Variants in CCDC192 observed in about 807,000 individuals in gnomAD.
CCDC192 encodes the protein coiled-coil domain-containing protein 192.
At chr5:127,865,427 C>A (rs1751567473) in intron 5 of CCDC192, among the ~76,000 whole-genome samples, 1 of 151,878 alleles carries the variant, frequency 6.6e-6, no homozygotes, top group Admixed American at 6.6e-5. Flanking sequence ...TCAGCTGTAG[C>A]AGACTATTGC....
intron 2 of CCDC192, among the ~76,000 whole-genome samples, chr5:127,730,833 ACT>A (rs1341618096): frequency 1.3e-5 from 2 of 152,322 alleles, no homozygotes; most frequent in Admixed American, 6.5e-5. Flanking sequence ...TATGTTAAAA[ACT>A]CTCAATAAAC....
rs944235589 is a variant in CCDC192 at position 127,840,665 on chromosome 5, A to G, written c.412-34873A>G. ...TTTTTTTGAGCTGCAGTAAGACTCC[A>G]GGAAGTTAAGCACTTTTTGAAAAAG... On this transcript the variant is annotated intron_variant, in intron 5 of 6. Coordinates refer to ENST00000514853, the MANE Select transcript of CCDC192 (RefSeq NM_001317938.2). Among the ~76,000 whole-genome samples the G allele has an allele frequency of 1.2e-4, 19 of 152,298 alleles. 1 individual carries two copies. In the South Asian group the frequency reaches 3.5e-3, roughly 28 times the overall value.
intron 3 of CCDC192, among the ~76,000 whole-genome samples, chr5:127,769,822 G>A (rs1383217613): frequency 5.3e-5 from 8 of 152,166 alleles, no homozygotes. Flanking sequence ...CGTAGTCGAG[G>A]GCAGAAGCCA....
chr5:127,835,697 A>G (rs1490901034), intron 5 of CCDC192, among the ~76,000 whole-genome samples: 1 of 152,158 alleles, frequency 6.6e-6, no homozygotes, highest in Non-Finnish European at 1.5e-5. Flanking sequence ...GCAAGAGAGA[A>G]AGTGTGTGTG....
intron 2 of CCDC192, among the ~76,000 whole-genome samples, chr5:127,749,358 C>A (rs1261856932): frequency 6.6e-6 from 1 of 152,140 alleles, no homozygotes; most frequent in East Asian, 1.9e-4. Flanking sequence ...TTTTCTGCAT[C>A]TATTGAGATA....
intron 2 of CCDC192, among the ~76,000 whole-genome samples, chr5:127,751,693 A>T (rs1007266188): frequency 6.6e-6 from 1 of 152,142 alleles, no homozygotes; most frequent in Admixed American, 6.5e-5. Flanking sequence ...TCTCCTGGAT[A>T]ATATCCTGCA....
At chr5:127,927,921 T>C (rs1045649236) in intron 6 of CCDC192, among the ~76,000 whole-genome samples, 1 of 151,686 alleles carries the variant, frequency 6.6e-6, no homozygotes, top group African/African-American at 2.4e-5. Context: ...TGACACAAAC[T>C]TGTGATCTTA....
chr5:127,870,013 G>A (rs1291638218), intron 5 of CCDC192, among the ~76,000 whole-genome samples: 1 of 152,200 alleles, frequency 6.6e-6, no homozygotes, highest in Non-Finnish European at 1.5e-5. Context: ...CTAAGGGTTT[G>A]TGTATCAACT....
chr5:127,797,758 TA>T (rs56354525), intron 4 of CCDC192, among the ~76,000 whole-genome samples: 1,411 of 28,336 alleles, frequency 0.05, 38 homozygotes, highest in Middle Eastern at 0.33. Flanking sequence ...TATATATATA[TA>T]TATATATATA....
chr5:127,847,688 G>A (rs1370824713), intron 5 of CCDC192, among the ~76,000 whole-genome samples: 1 of 151,920 alleles, frequency 6.6e-6, no homozygotes, highest in African/African-American at 2.4e-5. Context: ...CAGGCGTGGT[G>A]GCAGGCACCT....
chr5:127,840,346 A>G (rs1399734649), intron 5 of CCDC192, among the ~76,000 whole-genome samples: 2 of 152,224 alleles, frequency 1.3e-5, no homozygotes, highest in African/African-American at 4.8e-5. Context: ...TTATCTCTGT[A>G]TCCCTAATAT....
At chr5:127,780,994 G>C (rs1756184283) in intron 3 of CCDC192, among the ~76,000 whole-genome samples, 1 of 152,094 alleles carries the variant, frequency 6.6e-6, no homozygotes, top group South Asian at 2.1e-4. Flanking sequence ...TCCATCTTGA[G>C]TTGATTTTTG....
chr5:127,728,124 G>T (rs539495142), intron 2 of CCDC192, among the ~76,000 whole-genome samples: 32 of 152,286 alleles, frequency 2.1e-4, no homozygotes, highest in South Asian at 6.2e-4. Context: ...CATTCTTCAA[G>T]ATATCATCCA....
At chr5:127,793,865 G>C (rs935155114) in intron 3 of CCDC192, among the ~76,000 whole-genome samples, 1 of 152,146 alleles carries the variant, frequency 6.6e-6, no homozygotes, top group African/African-American at 2.4e-5. Flanking sequence ...TTTGGCAACA[G>C]GTAATAGAAA....
At chr5:127,791,946 T>C (rs1205371967) in intron 3 of CCDC192, among the ~76,000 whole-genome samples, 3 of 151,996 alleles carry the variant, frequency 2.0e-5, no homozygotes, top group Non-Finnish European at 2.9e-5. Context: ...ATGTGCAAAG[T>C]AGTAAGGAAA....
intron 5 of CCDC192, chr5:127,838,372 T>G (rs1487264349): frequency 6.6e-6 from 1 of 152,230 alleles, no homozygotes; most frequent in South Asian, 2.1e-4. Flanking sequence ...TTAAAGACTT[T>G]TAATTGGTGA....
At chr5:127,814,951 T>A (rs1480440572) in intron 5 of CCDC192, among the ~76,000 whole-genome samples, 1 of 152,232 alleles carries the variant, frequency 6.6e-6, no homozygotes, top group East Asian at 1.9e-4. Flanking sequence ...CTGATGGGTT[T>A]TTTTTATTTT....
At chr5:127,786,559 A>G in intron 3 of CCDC192, 1 of 677,838 alleles carries the variant, frequency 1.5e-6, no homozygotes, top group Non-Finnish European at 2.8e-6. Context: ...CCAAGTCACC[A>G]ATGCAAGGGA....
intron 3 of CCDC192, among the ~76,000 whole-genome samples, chr5:127,776,863 A>G (rs1472495803): frequency 6.6e-6 from 1 of 152,236 alleles, no homozygotes; most frequent in African/African-American, 2.4e-5. Flanking sequence ...AGAGAAGTCA[A>G]GAATTGAGGT....
Sources: allele counts gnomAD v4.1 joint callset (sites outside exome capture counted in the v4.1 genomes callset), GRCh38; gene constraint gnomAD v4.1.1; transcripts MANE v1.5; gene names NCBI Gene and HGNC (gene_info 2026-07-23, HGNC 2026-07-21).